Variants in B3GALT1 observed in about 807,000 individuals in gnomAD.
B3GALT1 encodes beta-1,3-galactosyltransferase 1.
Under a neutral mutation model 23.2 loss-of-function variants are expected in B3GALT1, and 10 were observed. The ratio of observed to expected loss-of-function variants is 0.43; its 90% CI spans 0.27 to 0.73. B3GALT1 has a LOEUF of 0.73. B3GALT1 is among the 30% of genes least tolerant of loss of function. B3GALT1 has a pLI of 0.21. For missense variants in B3GALT1, 299 were observed against 405.4 expected, an observed-to-expected ratio of 0.74 and a Z score of 2.25; for synonymous variants, 156 against 141.5, an observed-to-expected ratio of 1.10 and a Z score of -0.73.
intron 2 of B3GALT1, among the ~76,000 whole-genome samples, chr2:167,552,140 T>C (rs1158529584): frequency 1.3e-5 from 2 of 152,182 alleles, no homozygotes; most frequent in Non-Finnish European, 2.9e-5. Context: ...GAGAATTGGG[T>C]CTAACTTTCC....
intron 2 of B3GALT1, among the ~76,000 whole-genome samples, chr2:167,585,917 A>T (rs1273463284): frequency 6.6e-6 from 1 of 152,208 alleles, no homozygotes; most frequent in Non-Finnish European, 1.5e-5. Context: ...GCACAAAAGA[A>T]CGTATATGTA....
At chr2:167,316,214 T>A (rs777040681) in intron 1 of B3GALT1, among the ~76,000 whole-genome samples, 3 of 151,062 alleles carry the variant, frequency 2.0e-5, no homozygotes, top group Admixed American at 6.6e-5. Flanking sequence ...TGGTAAGGAA[T>A]GCTTTTTGCA....
chr2:167,465,473 T>C (rs1699330456), intron 1 of B3GALT1, among the ~76,000 whole-genome samples: 1 of 152,204 alleles, frequency 6.6e-6, no homozygotes, highest in Non-Finnish European at 1.5e-5. Flanking sequence ...CACTTTCTGC[T>C]TCAAAGATGG....
chr2:167,462,595 T>G (rs1040587561), intron 1 of B3GALT1, among the ~76,000 whole-genome samples: 2 of 152,124 alleles, frequency 1.3e-5, no homozygotes, highest in African/African-American at 4.8e-5. Flanking sequence ...TGAATTGGAT[T>G]GGGGCACTGA....
At chr2:167,585,614 C>CT (rs1684573251) in intron 2 of B3GALT1, among the ~76,000 whole-genome samples, 1 of 152,108 alleles carries the variant, frequency 6.6e-6, no homozygotes, top group Non-Finnish European at 1.5e-5. Flanking sequence ...CTTTGGAAAA[C>CT]TTTTTTGCCA....
chr2:167,390,240 T>C (rs1023526553), intron 1 of B3GALT1, among the ~76,000 whole-genome samples: 3 of 152,152 alleles, frequency 2.0e-5, no homozygotes, highest in Non-Finnish European at 2.9e-5. Context: ...ACAGAAGAAA[T>C]GAAGCAAGAG....
At chr2:167,688,760 T>C (rs555757973) in intron 3 of B3GALT1, among the ~76,000 whole-genome samples, 11 of 152,130 alleles carry the variant, frequency 7.2e-5, no homozygotes, top group African/African-American at 2.4e-4. Context: ...TGGCTGAAAT[T>C]TTCCCAAATT....
intron 2 of B3GALT1, among the ~76,000 whole-genome samples, chr2:167,562,721 C>G (rs1239227542): frequency 6.7e-6 from 1 of 148,818 alleles, no homozygotes. Context: ...GGTCACAGGA[C>G]AATTAGTGGA....
chr2:167,521,320 A>G (rs1393975021), intron 2 of B3GALT1, among the ~76,000 whole-genome samples: 5 of 152,132 alleles, frequency 3.3e-5, no homozygotes. Context: ...GTAGTGCAAA[A>G]AGTACATATT....
intron 3 of B3GALT1, among the ~76,000 whole-genome samples, chr2:167,666,562 C>A (rs542648327): frequency 0.016 from 2,487 of 151,212 alleles, 64 homozygotes; most frequent in African/African-American, 0.057. Flanking sequence ...TTAAAGTCTC[C>A]CATTATTAAT....
chr2:167,666,357 GCTTTA>G (rs1558942234), intron 3 of B3GALT1, among the ~76,000 whole-genome samples: 2 of 152,262 alleles, frequency 1.3e-5, no homozygotes, highest in East Asian at 1.9e-4. Flanking sequence ...GCTAAGGAGA[GCTTTA>G]CTTCCAACTA....
intron 3 of B3GALT1, among the ~76,000 whole-genome samples, chr2:167,736,566 T>C (rs1687495226): frequency 6.6e-6 from 1 of 152,064 alleles, no homozygotes; most frequent in Non-Finnish European, 1.5e-5. Flanking sequence ...GTTGCAAAAA[T>C]TCAGCTAGAA....
At chr2:167,623,425 TA>T (rs1356441010) in intron 2 of B3GALT1, among the ~76,000 whole-genome samples, 4 of 152,044 alleles carry the variant, frequency 2.6e-5, no homozygotes, top group South Asian at 2.1e-4. Context: ...TATGCAGCCA[TA>T]AAAAAGGATG....
At chr2:167,864,845 G>A (rs1020129034) in intron 4 of B3GALT1, among the ~76,000 whole-genome samples, 1 of 151,962 alleles carries the variant, frequency 6.6e-6, no homozygotes, top group African/African-American at 2.4e-5. Context: ...AGAATAGAAT[G>A]GCATGGAATG....
At chr2:167,754,412 T>G (rs542995625) in intron 3 of B3GALT1, among the ~76,000 whole-genome samples, 10 of 152,124 alleles carry the variant, frequency 6.6e-5, no homozygotes, top group Non-Finnish European at 1.3e-4. Context: ...GATTCAGTAG[T>G]TAGAGGAGGG....
chr2:167,776,831 G>C (rs1385627535), intron 3 of B3GALT1, among the ~76,000 whole-genome samples: 1 of 152,160 alleles, frequency 6.6e-6, no homozygotes, highest in Non-Finnish European at 1.5e-5. Flanking sequence ...AATAACTTCT[G>C]TAGTTGTACA....
At chr2:167,374,234 T>C (rs1432920727) in intron 1 of B3GALT1, among the ~76,000 whole-genome samples, 1 of 152,230 alleles carries the variant, frequency 6.6e-6, no homozygotes, top group Non-Finnish European at 1.5e-5. Context: ...CATGATGTTA[T>C]GTACCACATT....
At chr2:167,614,033 A>G (rs995346310) in intron 2 of B3GALT1, among the ~76,000 whole-genome samples, 7 of 151,928 alleles carry the variant, frequency 4.6e-5, no homozygotes, top group African/African-American at 1.7e-4. Flanking sequence ...ATATTTTTCT[A>G]GATGTTCTAG....
chr2:167,448,121 T>A (rs1163856595), intron 1 of B3GALT1, among the ~76,000 whole-genome samples: 1 of 152,208 alleles, frequency 6.6e-6, no homozygotes, highest in Non-Finnish European at 1.5e-5. Flanking sequence ...ATGACTTCTT[T>A]CCTCTGGGTA....
Sources: allele counts gnomAD v4.1 joint callset (sites outside exome capture counted in the v4.1 genomes callset), GRCh38; gene constraint gnomAD v4.1.1; transcripts MANE v1.5; gene names NCBI Gene and HGNC (gene_info 2026-07-23, HGNC 2026-07-21).